Variants in VPS13B observed in about 807,000 individuals in gnomAD.
The protein encoded by VPS13B is intermembrane lipid transfer protein VPS13B.
VPS13B carries 285 observed loss-of-function variants against 426.4 expected under a neutral mutation model. The observed-to-expected ratio is 0.67, with a 90% confidence interval of 0.61 to 0.74. The LOEUF (loss-of-function observed/expected upper bound fraction) is 0.74. Ranked by LOEUF, VPS13B falls within the 30% of genes least tolerant of loss-of-function variation. The probability of loss-of-function intolerance (pLI) is 0.00; values close to 1 mark genes in which losing one functional copy is unlikely to be tolerated. For missense variants in VPS13B, 4,537 were observed against 4,782.6 expected, an observed-to-expected ratio of 0.95 and a Z score of 1.51; for synonymous variants, 1,676 against 1,676.4, an observed-to-expected ratio of 1.00 and a Z score of 0.01.
At chr8:99,454,230 G>A (rs1248257558) in intron 23 of VPS13B, among the ~76,000 whole-genome samples, 1 of 152,058 alleles carries the variant, frequency 6.6e-6, no homozygotes, top group African/African-American at 2.4e-5. Context: ...TGTCACCCAG[G>A]CTAGAGTGTA....
intron 17 of VPS13B, among the ~76,000 whole-genome samples, chr8:99,224,015 C>T (rs1180873493): frequency 1.3e-5 from 2 of 152,092 alleles, no homozygotes; most frequent in East Asian, 3.9e-4. Context: ...GATTTAACAT[C>T]CTAACAAAAG....
intron 19 of VPS13B, among the ~76,000 whole-genome samples, chr8:99,354,609 T>G (rs1287055509): frequency 1.3e-5 from 2 of 152,152 alleles, no homozygotes; most frequent in Non-Finnish European, 1.5e-5. Flanking sequence ...TTTTAGAAAT[T>G]CATTCTGGTT....
chr8:99,122,958 A>C (rs962986467), intron 8 of VPS13B, among the ~76,000 whole-genome samples: 2 of 151,788 alleles, frequency 1.3e-5, no homozygotes, highest in African/African-American at 4.8e-5. Flanking sequence ...ACTAAAAAAA[A>C]AAAAATTACC....
intron 2 of VPS13B, among the ~76,000 whole-genome samples, chr8:99,032,558 C>T (rs1246549176): frequency 7.1e-6 from 1 of 141,292 alleles, no homozygotes; most frequent in South Asian, 2.2e-4. Flanking sequence ...GAGACAGAGT[C>T]TCGCTCTGTT....
chr8:99,315,134 T>A (rs1425741020), intron 19 of VPS13B, among the ~76,000 whole-genome samples: 1 of 152,200 alleles, frequency 6.6e-6, no homozygotes, highest in Non-Finnish European at 1.5e-5. Context: ...TTTTTTGTTT[T>A]TTGATGGAAT....
chr8:99,654,290 C>T (rs979441401), intron 34 of VPS13B, among the ~76,000 whole-genome samples: 4 of 151,914 alleles, frequency 2.6e-5, no homozygotes, highest in Non-Finnish European at 5.9e-5. Flanking sequence ...CCTTGTGATC[C>T]GCCCGCCTCG....
chr8:99,754,402 A>T (rs138253250), intron 39 of VPS13B, among the ~76,000 whole-genome samples: 1 of 152,316 alleles, frequency 6.6e-6, no homozygotes, highest in East Asian at 1.9e-4. Flanking sequence ...ATTATAAATA[A>T]CTGATTGTAA....
intron 43 of VPS13B, among the ~76,000 whole-genome samples, chr8:99,787,615 G>A (rs1422222502): frequency 7.2e-5 from 11 of 152,258 alleles, no homozygotes; most frequent in Non-Finnish European, 4.4e-5. Context: ...ATTATGCTAC[G>A]TTGAATCTAG....
chr8:99,316,803 G>C (rs930368072), intron 19 of VPS13B, among the ~76,000 whole-genome samples: 1 of 152,166 alleles, frequency 6.6e-6, no homozygotes, highest in Non-Finnish European at 1.5e-5. Flanking sequence ...GATGCCTCTA[G>C]TCAGCCATTG....
chr8:99,216,918 G>A lies in VPS13B; in HGVS notation c.2515+23861G>A, dbSNP rs187772178. Among the ~76,000 whole-genome samples the A allele has an allele frequency of 2.1e-4, 32 of 152,108 alleles. No homozygotes were observed. In the South Asian group the frequency reaches 2.5e-3, roughly 12 times the overall value. On this transcript the variant is annotated intron_variant, in intron 17 of 61. Transcript: ENST00000357162. ...ACAGTACTTGCTCGGAAAGTGAGGC[G>A]TTGATGTTTTACCTTAGTGTGTGGT...
chr8:99,386,314 A>G (rs1023121618), intron 20 of VPS13B, among the ~76,000 whole-genome samples: 5 of 152,192 alleles, frequency 3.3e-5, no homozygotes, highest in African/African-American at 1.2e-4. Flanking sequence ...TGAACATACA[A>G]TCACGTGCCC....
At chr8:99,621,078 C>T (rs1828330606) in intron 33 of VPS13B, among the ~76,000 whole-genome samples, 1 of 151,250 alleles carries the variant, frequency 6.6e-6, no homozygotes, top group Non-Finnish European at 1.5e-5. Context: ...TTGCAGACTC[C>T]TTTAGTTAGG....
At chr8:99,234,449 TC>T (rs1816525917) in intron 17 of VPS13B, 22 of 627,784 alleles carry the variant, frequency 3.5e-5, no homozygotes, top group South Asian at 3.0e-4. Flanking sequence ...CCCATGCAAT[TC>T]CACTTTACCT....
intron 33 of VPS13B, among the ~76,000 whole-genome samples, chr8:99,591,026 T>C (rs1445221030): frequency 6.6e-6 from 1 of 152,150 alleles, no homozygotes; most frequent in East Asian, 1.9e-4. Flanking sequence ...GCTCATGTGT[T>C]GGGTGTATAT....
At chr8:99,857,881 A>G (rs914159858) in intron 56 of VPS13B, among the ~76,000 whole-genome samples, 1 of 152,278 alleles carries the variant, frequency 6.6e-6, no homozygotes, top group South Asian at 2.1e-4. Context: ...TATCTTCCAG[A>G]AATTATTCCC....
intron 21 of VPS13B, among the ~76,000 whole-genome samples, chr8:99,428,051 T>G (rs926195149): frequency 6.6e-6 from 1 of 152,198 alleles, no homozygotes; most frequent in Admixed American, 6.5e-5. Context: ...ATTCCCCATT[T>G]AATAAATGGT....
chr8:99,836,317 G>A (rs1250804231), intron 54 of VPS13B, among the ~76,000 whole-genome samples: 1 of 152,102 alleles, frequency 6.6e-6, no homozygotes, highest in African/African-American at 2.4e-5. Flanking sequence ...ATAATTTAGT[G>A]ACATTAAATA....
intron 39 of VPS13B, among the ~76,000 whole-genome samples, chr8:99,733,984 C>G (rs1453464927): frequency 6.6e-6 from 1 of 152,132 alleles, no homozygotes; most frequent in Non-Finnish European, 1.5e-5. Context: ...TTTTTATCAC[C>G]TCAAAAAGAA....
intron 20 of VPS13B, among the ~76,000 whole-genome samples, chr8:99,390,916 C>A (rs1217729181): frequency 6.6e-6 from 1 of 152,124 alleles, no homozygotes; most frequent in African/African-American, 2.4e-5. Flanking sequence ...TCCAGCTCAG[C>A]CCTCATGCAT....
Sources: gnomAD v4.1 joint callset for allele counts (sites outside exome capture counted in the v4.1 genomes callset) on GRCh38, gnomAD v4.1.1 for gene constraint, MANE v1.5 for transcripts, NCBI Gene and HGNC (gene_info 2026-07-23, HGNC 2026-07-21) for gene names.